Variants in SERPINI2 observed in about 807,000 individuals in gnomAD.
SERPINI2 encodes serpin I2.
A neutral mutation model predicts 47.3 loss-of-function variants in SERPINI2; 48 were observed. The observed-to-expected ratio is 1.02, with a 90% CI of 0.81 to 1.29. SERPINI2 has a LOEUF of 1.29. Among genes scored for constraint, SERPINI2 ranks in the 50% most tolerant of loss-of-function variants. The pLI, the probability that SERPINI2 is intolerant of heterozygous loss-of-function variation, is 0.00. For synonymous variants in SERPINI2, 135 were observed against 149.3 expected (o/e 0.90, Z 0.70); for missense variants, 448 against 456.9 (o/e 0.98, Z 0.18).
At chr3:167,471,839 A>T in exon 2 of SERPINI2, 4 of 1,606,716 alleles carry the variant, frequency 2.5e-6, no homozygotes, top group Non-Finnish European at 3.4e-6. Context: ...GTCCATTTTG[A>T]CTTCTCTGTA....
intron 5 of SERPINI2, among the ~76,000 whole-genome samples, chr3:167,455,593 CAAAAAAAAA>C (rs11407272): frequency 8.1e-6 from 1 of 123,242 alleles, no homozygotes; most frequent in Non-Finnish European, 1.7e-5. Flanking sequence ...ATACGAGTCT[CAAAAAAAAA>C]AAAAGAAAAG....
intron 1 of SERPINI2, among the ~76,000 whole-genome samples, chr3:167,472,325 C>A (rs1750353267): frequency 6.6e-6 from 1 of 151,992 alleles, no homozygotes. Flanking sequence ...TTAATGTATT[C>A]TAAAGCAACT....
intron 5 of SERPINI2, among the ~76,000 whole-genome samples, chr3:167,453,666 T>A (rs921938291): frequency 3.5e-5 from 3 of 86,248 alleles, no homozygotes; most frequent in African/African-American, 1.2e-4. Context: ...TGGGGGGGGG[T>A]GGGCAAAAAA....
At chr3:167,459,418 A>C (rs1749919741) in intron 5 of SERPINI2, among the ~76,000 whole-genome samples, 1 of 152,182 alleles carries the variant, frequency 6.6e-6, no homozygotes, top group Non-Finnish European at 1.5e-5. Context: ...ATCTCATACT[A>C]CATTTAGACA....
chr3:167,472,142 T>C (rs1750346152), intron 1 of SERPINI2, among the ~76,000 whole-genome samples: 1 of 152,082 alleles, frequency 6.6e-6, no homozygotes, highest in East Asian at 1.9e-4. Context: ...CTCCAAATAG[T>C]TATACAATAG....
At chr3:167,448,765 A>G (rs980320520) in intron 7 of SERPINI2, among the ~76,000 whole-genome samples, 6 of 151,746 alleles carry the variant, frequency 4.0e-5, no homozygotes, top group Non-Finnish European at 7.4e-5. Context: ...CTCGTGATCC[A>G]CCCGCCTCGG....
intron 5 of SERPINI2, among the ~76,000 whole-genome samples, chr3:167,462,226 T>G (rs1750002473): frequency 6.6e-6 from 1 of 152,032 alleles, no homozygotes; most frequent in Non-Finnish European, 1.5e-5. Flanking sequence ...AAGATTTCAG[T>G]AAAATTTGCT....
intron 5 of SERPINI2, among the ~76,000 whole-genome samples, chr3:167,453,410 T>G (rs1749696086): frequency 6.6e-6 from 1 of 152,226 alleles, no homozygotes; most frequent in African/African-American, 2.4e-5. Context: ...CAAAGATGGT[T>G]CCTGGCAGAT....
At chr3:167,453,774 G>A (rs1002270827) in intron 5 of SERPINI2, among the ~76,000 whole-genome samples, 2 of 151,648 alleles carry the variant, frequency 1.3e-5, no homozygotes, top group Non-Finnish European at 2.9e-5. Flanking sequence ...CCTGTGAAAA[G>A]GGAACTTAAC....
intron 7 of SERPINI2, among the ~76,000 whole-genome samples, chr3:167,447,517 A>T (rs1042379716): frequency 6.6e-6 from 1 of 152,172 alleles, no homozygotes; most frequent in African/African-American, 2.4e-5. Context: ...TCTCTTAATG[A>T]TTGTTACAGA....
intron 1 of SERPINI2, among the ~76,000 whole-genome samples, chr3:167,473,152 G>A (rs1750387569): frequency 6.6e-6 from 1 of 151,546 alleles, no homozygotes; most frequent in Admixed American, 6.6e-5. Flanking sequence ...AATGTATTTT[G>A]TTAAACTGTA....
In SERPINI2 at chr3:167,457,165, T is replaced by C. The variant is rs569185861; in HGVS notation, c.867-4132A>G. On this transcript the variant is annotated intron_variant, in intron 5 of 8. Transcript: ENST00000264677. ...ATTAAGATAATACTATACTTTTGAATAGAACTGTAGTGCTTAACAAGTTTA... is the reference window on the plus strand; with the variant it reads ...ATTAAGATAATACTATACTTTTGAACAGAACTGTAGTGCTTAACAAGTTTA... 2.0e-5 allele frequency among the ~76,000 whole-genome samples: 3 copies of C among 152,348 alleles called. No individual in the cohort carries two copies. In the South Asian group the frequency reaches 6.2e-4, roughly 32 times the overall value.
chr3:167,476,460 G>A (rs1750481146), upstream of SERPINI2, among the ~76,000 whole-genome samples: 1 of 151,908 alleles, frequency 6.6e-6, no homozygotes, highest in Non-Finnish European at 1.5e-5. Flanking sequence ...TCCTTTTACA[G>A]AAGAAGCCCT....
intron 2 of SERPINI2, chr3:167,469,593 A>G (rs1186632997): frequency 6.6e-6 from 1 of 152,144 alleles, no homozygotes; most frequent in Non-Finnish European, 1.5e-5. Flanking sequence ...TGTGGAAAAA[A>G]GAAGCACATT....
intron 7 of SERPINI2, among the ~76,000 whole-genome samples, chr3:167,448,296 T>A (rs1490343393): frequency 6.6e-6 from 1 of 152,212 alleles, no homozygotes; most frequent in Admixed American, 6.5e-5. Context: ...GGTTTGGATC[T>A]GAGATTTTGC....
intron 8 of SERPINI2, among the ~76,000 whole-genome samples, chr3:167,445,162 G>A (rs1033603960): frequency 2.6e-5 from 4 of 152,254 alleles, no homozygotes; most frequent in African/African-American, 9.6e-5. Flanking sequence ...ATGACTTTCA[G>A]AAGGGTCTCT....
At position 167,465,460 on chromosome 3, in the gene SERPINI2, CTG is replaced by C. The variant is rs773186660; in HGVS notation, c.673+17_673+18del. ...CAATTCTCAAGACTATGCTTAGGAA[CTG>C]TGGTTTCTCACATTACCATATTTTG... On this transcript the variant is annotated intron_variant, in intron 4 of 8. Transcript: ENST00000264677. 1 of 1,610,550 alleles carries C rather than the reference CTG, an allele frequency of 6.2e-7. No homozygotes were observed.
At chr3:167,470,579 T>TTTTTTTTTTTTTTC (rs1750282022) in intron 2 of SERPINI2, among the ~76,000 whole-genome samples, 1 of 119,804 alleles carries the variant, frequency 8.3e-6, no homozygotes, top group African/African-American at 3.1e-5. Flanking sequence ...TTTTTTTTTT[T>TTTTTTTTTTTTTTC]GGAGAAGGAG....
intron 5 of SERPINI2, among the ~76,000 whole-genome samples, chr3:167,457,485 A>T (rs1381536001): frequency 6.6e-6 from 1 of 152,192 alleles, no homozygotes; most frequent in Admixed American, 6.5e-5. Flanking sequence ...CCAGTTCCTT[A>T]CTATTCCCAG....
Sources: gnomAD v4.1 joint callset for allele counts (sites outside exome capture counted in the v4.1 genomes callset) on GRCh38, gnomAD v4.1.1 for gene constraint, MANE v1.5 for transcripts, NCBI Gene and HGNC (gene_info 2026-07-23, HGNC 2026-07-21) for gene names.